Variants in CERS4 observed in about 807,000 individuals in gnomAD.
CERS4 encodes the protein ceramide synthase 4.
CERS4 carries 65 observed loss-of-function variants against 51.8 expected under a neutral mutation model. The ratio of observed to expected loss-of-function variants is 1.26; its 90% CI spans 1.03 to 1.54. The LOEUF is 1.54. Among genes scored for constraint, CERS4 ranks in the 40% most tolerant of loss-of-function variants. The pLI is 0.00. For synonymous variants in CERS4, 228 were observed against 208.4 expected (o/e 1.09, Z -0.81); for missense variants, 563 against 500.4 (o/e 1.13, Z -1.19).
At chr19:8,216,781 G>A (rs1028484317) in intron 2 of CERS4, among the ~76,000 whole-genome samples, 1 of 152,090 alleles carries the variant, frequency 6.6e-6, no homozygotes, top group Non-Finnish European at 1.5e-5. Flanking sequence ...AGCCATCCTG[G>A]GTCCTTATGG....
intron 2 of CERS4, chr19:8,238,471 T>C (rs996471442): frequency 3.1e-6 from 3 of 982,388 alleles, no homozygotes; most frequent in Admixed American, 6.2e-5. Flanking sequence ...TTGGGGCTGG[T>C]CTTGGGAATC....
At chr19:8,227,564 ACTC>A (rs1967838830) in intron 2 of CERS4, among the ~76,000 whole-genome samples, 1 of 151,218 alleles carries the variant, frequency 6.6e-6, no homozygotes, top group Non-Finnish European at 1.5e-5. Context: ...CTGGTCTCGA[ACTC>A]CTGATCGCAA....
chr19:8,210,617 G>T lies in CERS4; in HGVS notation c.-158-89G>T, dbSNP rs1967046483. On this transcript the variant is annotated intron_variant, in intron 1 of 11. Coordinates refer to ENST00000251363, the MANE Select transcript of CERS4 (RefSeq NM_024552.3). The surrounding 1 kb of genome is among the most constrained non-coding windows in gnomAD (Gnocchi z 4.2). ...GGGTGACCCCACTGGGGCGACCTGG[G>T]TCTGTTATATGGGGATAGGGTTCCT... The T allele has an allele frequency of 6.7e-6, 1 of 149,838 alleles. No homozygotes were observed. The highest frequency in any genetic ancestry group is 2.6e-5 in the African/African-American group (1 of 39,096). The allele number at this position is 149,838 out of a possible 1,614,324, so 9.3% of individuals were successfully genotyped here. A position where few individuals can be genotyped will look rare whatever the true frequency, so the allele number is the denominator to read the frequency against.
At chr19:8,251,972 A>G (rs1181092091) in intron 3 of CERS4, among the ~76,000 whole-genome samples, 1 of 151,554 alleles carries the variant, frequency 6.6e-6, no homozygotes, top group Non-Finnish European at 1.5e-5. Context: ...GATTCCTGTA[A>G]TGTCAGCAAT....
At chr19:8,237,359 C>G (rs898884763) in intron 2 of CERS4, among the ~76,000 whole-genome samples, 19 of 151,880 alleles carry the variant, frequency 1.3e-4, no homozygotes, top group African/African-American at 4.6e-4. Flanking sequence ...CAAGACCAGC[C>G]TGGCCAACAT....
At chr19:8,217,751 A>T (rs2093121971) in intron 2 of CERS4, among the ~76,000 whole-genome samples, 1 of 151,842 alleles carries the variant, frequency 6.6e-6, no homozygotes, top group Non-Finnish European at 1.5e-5. Flanking sequence ...GTTAGCCAGG[A>T]TGGTCTCGAT....
chr19:8,256,536 A>C, intron 7 of CERS4, 82 bp from the exon 8 acceptor site: 1 of 1,333,956 alleles, frequency 7.5e-7, no homozygotes, highest in South Asian at 1.3e-5. Flanking sequence ...GGTTTTGAGC[A>C]AACGGAGTGG....
At chr19:8,238,228 C>G (rs114413896) in intron 2 of CERS4, among the ~76,000 whole-genome samples, 3,896 of 152,126 alleles carry the variant, frequency 0.026, 175 homozygotes, top group African/African-American at 0.089. Flanking sequence ...GACTTAGAGG[C>G]AGACTTGAAT....
At chr19:8,252,189 T>C (rs1969120896) in intron 3 of CERS4, among the ~76,000 whole-genome samples, 1 of 151,826 alleles carries the variant, frequency 6.6e-6, no homozygotes. Flanking sequence ...ACAAACGTGG[T>C]GAAACCCTGT....
At chr19:8,239,939 T>C (rs182526608) in intron 2 of CERS4, among the ~76,000 whole-genome samples, 14 of 152,278 alleles carry the variant, frequency 9.2e-5, no homozygotes, top group Admixed American at 5.2e-4. Flanking sequence ...ATGAAACTTA[T>C]GCCTTGGGGT....
At chr19:8,260,545 C>G (rs1438383985) in intron 10 of CERS4, among the ~76,000 whole-genome samples, 2 of 144,098 alleles carry the variant, frequency 1.4e-5, no homozygotes, top group Non-Finnish European at 3.0e-5. Flanking sequence ...AAAAAAAAAG[C>G]CTACAGGGAA....
chr19:8,245,037 G>A (rs988955858), intron 2 of CERS4, among the ~76,000 whole-genome samples: 1 of 150,224 alleles, frequency 6.7e-6, no homozygotes, highest in Non-Finnish European at 1.5e-5. Flanking sequence ...CCAGCTACTC[G>A]GGAGGCTGAG....
At chr19:8,232,895 T>TC (rs1335333204) in intron 2 of CERS4, among the ~76,000 whole-genome samples, 5 of 139,266 alleles carry the variant, frequency 3.6e-5, no homozygotes, top group Non-Finnish European at 7.6e-5. Context: ...GCTGATTTTT[T>TC]TTTTTTTTTT....
chr19:8,260,533 G>A (rs1158623399), intron 10 of CERS4, among the ~76,000 whole-genome samples: 13 of 146,134 alleles, frequency 8.9e-5, no homozygotes, highest in African/African-American at 7.5e-5. Context: ...GAGTTCCAAG[G>A]AAAAAAAAAA....
chr19:8,246,794 G>T (rs555500101), intron 2 of CERS4, among the ~76,000 whole-genome samples: 5 of 152,068 alleles, frequency 3.3e-5, no homozygotes, highest in Non-Finnish European at 7.3e-5. Flanking sequence ...GCAAAGGGGA[G>T]AATCTAGTGG....
At chr19:8,224,833 C>T (rs906466331) in intron 2 of CERS4, among the ~76,000 whole-genome samples, 1 of 151,954 alleles carries the variant, frequency 6.6e-6, no homozygotes, top group Non-Finnish European at 1.5e-5. Flanking sequence ...AGCTGAGTGC[C>T]GAGAGGGTGT....
At chr19:8,252,849 AGAGGCAG>A (rs1969159087) in intron 3 of CERS4, among the ~76,000 whole-genome samples, 3 of 152,154 alleles carry the variant, frequency 2.0e-5, no homozygotes, top group African/African-American at 4.8e-5. Flanking sequence ...TGAGACTTTA[AGAGGCAG>A]GAGGCAGGAA....
rs568248160 is a variant in CERS4, at chr19:8,256,874, C to T, written c.613-75C>T. ...GCCACACCAACCCCCTGAAAGGACC[C>T]ACTTCTTGGCCCATAGGGTGGGGGA... On this transcript the variant is annotated intron_variant, in intron 8 of 11. Transcript: ENST00000251363. The T allele has an allele frequency of 3.9e-5, 62 of 1,608,814 alleles. No homozygotes were observed. In the East Asian group the frequency reaches 1.3e-3, roughly 34 times the overall value.
rs1444185030 is a variant in CERS4 at position 8,261,675 on chromosome 19, C to T, written c.849-13C>T. The T allele has an allele frequency of 6.2e-7, 1 of 1,613,842 alleles. No homozygotes were observed. Among genetic ancestry groups the T allele is most frequent in the Admixed American group, 1.7e-5 (1 of 60,002 alleles). On this transcript the variant is annotated splice_polypyrimidine_tract_variant and intron_variant, in intron 10 of 11. Coordinates refer to ENST00000251363, the MANE Select transcript of CERS4 (RefSeq NM_024552.3). ...GGTCAAACCCCAGCCTCCTCCTCTC[C>T]CCCTGGCTGTAGGATCCTCTACACC...
Sources: gnomAD v4.1 joint callset for allele counts (sites outside exome capture counted in the v4.1 genomes callset) on GRCh38, gnomAD v4.1.1 for gene constraint, Gnocchi (gnomAD v3.1) non-coding constraint, MANE v1.5 for transcripts, NCBI Gene and HGNC (gene_info 2026-07-23, HGNC 2026-07-21) for gene names.